The following SLIT2 variants were observed in gnomAD, a reference collection of about 807,000 sequenced individuals.
The protein encoded by SLIT2 is slit homolog 2 protein.
Under a neutral mutation model 185.7 loss-of-function variants are expected in SLIT2, and 41 were observed. That is an observed-to-expected ratio of 0.22 (90% CI 0.17 to 0.29). The LOEUF (loss-of-function observed/expected upper bound fraction) is 0.29, where lower values mean the gene tolerates loss of function less well. Ranked by LOEUF, SLIT2 falls within the 10% of genes least tolerant of loss-of-function variation. The pLI is 1.00. For synonymous variants in SLIT2, 693 were observed against 680.2 expected, an observed-to-expected ratio of 1.02 and a Z score of -0.29; for missense variants, 1,571 against 1,909.0, an observed-to-expected ratio of 0.82 and a Z score of 3.30.
chr4:20,479,449 C>T (rs1186138608), intron 5 of SLIT2, among the ~76,000 whole-genome samples: 4 of 152,218 alleles, frequency 2.6e-5, no homozygotes, highest in Admixed American at 1.3e-4. Flanking sequence ...ATTTGTATTA[C>T]GATCATAATC....
intron 4 of SLIT2, among the ~76,000 whole-genome samples, chr4:20,388,791 A>AT (rs59128298): frequency 0.03 from 4,032 of 133,598 alleles, 76 homozygotes; most frequent in Non-Finnish European, 0.043. Context: ...AAAAAAAAAA[A>AT]AATATATATA....
chr4:20,328,151 C>T (rs185909491), intron 4 of SLIT2, among the ~76,000 whole-genome samples: 8 of 152,102 alleles, frequency 5.3e-5, no homozygotes, highest in African/African-American at 1.7e-4. Context: ...CATTTCAGTT[C>T]TTTGAATGTT....
chr4:20,378,360 G>A (rs141995413), intron 4 of SLIT2, among the ~76,000 whole-genome samples: 1 of 152,232 alleles, frequency 6.6e-6, no homozygotes, highest in African/African-American at 2.4e-5. Flanking sequence ...TGTGATTACA[G>A]TTTACATATT....
Position 20,519,378 on chromosome 4 carries a change from T to C in SLIT2, c.1059-4T>C, listed in dbSNP as rs758041849. 5 of 1,497,844 alleles carry C rather than the reference T, an allele frequency of 3.3e-6. 1 individual carries two copies. In the South Asian group the frequency reaches 5.7e-5, roughly 17 times the overall value. The allele number at this position is 1,497,844 out of a possible 1,614,324, so 92.8% of individuals were successfully genotyped here. A position where few individuals can be genotyped will look rare whatever the true frequency, so the allele number is the denominator to read the frequency against. ...ATTTTTTTCATTTAAAATATTTTTT[T>C]CAGTGTCCTCTATGGAAATAAAATC... On this transcript the variant is annotated splice_polypyrimidine_tract_variant and splice_region_variant and intron_variant, in intron 11 of 36. Coordinates refer to ENST00000504154, the MANE Select transcript of SLIT2 (RefSeq NM_004787.4).
chr4:20,291,484 ATATATATATTTTTTTTTTTTTTTTTTTT>A (rs1201947234), intron 4 of SLIT2, among the ~76,000 whole-genome samples: 2 of 10,522 alleles, frequency 1.9e-4, no homozygotes, highest in Admixed American at 3.6e-3. Flanking sequence ...ATATATATAT[ATATATATATTTTTTTTTTTTTTTTTTTT>A]TTTTTTTTTT....
intron 8 of SLIT2, among the ~76,000 whole-genome samples, chr4:20,489,248 G>T (rs1345057718): frequency 6.6e-6 from 1 of 152,080 alleles, no homozygotes; most frequent in Non-Finnish European, 1.5e-5. Flanking sequence ...ATCGCTAAAT[G>T]ATGATTCTAC....
intron 30 of SLIT2, among the ~76,000 whole-genome samples, chr4:20,594,452 C>G (rs2148955902): frequency 1.3e-5 from 2 of 151,940 alleles, no homozygotes; most frequent in South Asian, 4.2e-4. Context: ...AAATCAAAAA[C>G]ACTCTTGGAA....
At chr4:20,443,298 A>C (rs1489134238) in intron 4 of SLIT2, among the ~76,000 whole-genome samples, 1 of 152,164 alleles carries the variant, frequency 6.6e-6, no homozygotes, top group Non-Finnish European at 1.5e-5. Flanking sequence ...GACTGGATTT[A>C]ATTTCTTTCC....
intron 4 of SLIT2, among the ~76,000 whole-genome samples, chr4:20,429,768 A>G (rs1380052444): frequency 6.6e-6 from 1 of 152,176 alleles, no homozygotes; most frequent in South Asian, 2.1e-4. Context: ...CCTGTGCCAT[A>G]AATTTATATT....
intron 3 of SLIT2, among the ~76,000 whole-genome samples, 193 bp from the exon 4 acceptor site, chr4:20,268,617 C>A (rs1196510306): frequency 6.6e-6 from 1 of 151,800 alleles, no homozygotes; most frequent in African/African-American, 2.4e-5. Context: ...TCTTAGTAAG[C>A]ACAATGGAAA....
Position 20,450,499 on chromosome 4 carries a change from C to T in SLIT2, c.396-17253C>T, listed in dbSNP as rs568936346. On this transcript the variant is annotated intron_variant, in intron 4 of 36. Coordinates refer to ENST00000504154, the MANE Select transcript of SLIT2 (RefSeq NM_004787.4). ...ATGATTACCATTGAAGTAGAAGGGA[C>T]CCTTACGTTCTGCCAGAGAACACAT... Among the ~76,000 whole-genome samples the T allele has an allele frequency of 2.0e-5, 3 of 152,276 alleles. No individual in the cohort carries two copies. In the South Asian group the frequency reaches 6.2e-4, roughly 32 times the overall value.
intron 4 of SLIT2, among the ~76,000 whole-genome samples, chr4:20,278,323 G>A (rs947319616): frequency 3.3e-5 from 5 of 151,946 alleles, no homozygotes; most frequent in African/African-American, 1.2e-4. Context: ...AAAATGGAAT[G>A]TTGTTAAAAT....
intron 4 of SLIT2, among the ~76,000 whole-genome samples, chr4:20,325,532 A>G (rs1300964309): frequency 1.3e-5 from 2 of 152,056 alleles, no homozygotes; most frequent in African/African-American, 4.8e-5. Context: ...GCCTTAGAAA[A>G]TACCTACACC....
chr4:20,257,895 C>T lies in SLIT2; in HGVS notation c.279C>T (p.Thr93=). 1 of 1,574,070 alleles carries T rather than the reference C, an allele frequency of 6.4e-7. No individual in the cohort carries two copies. The highest frequency in any genetic ancestry group is 8.7e-7 in the Non-Finnish European group (1 of 1,146,138). ...VLQLMENKIS[T]IERGAFQDLK... is the part of the protein sequence containing the mutation. Reference sequence around the variant, plus strand: ...AGCTTATGGAGAATAAGATTAGCACCATTGAAAGAGGAGCATTCCAGGATC... The same window carrying T: ...AGCTTATGGAGAATAAGATTAGCACTATTGAAAGAGGAGCATTCCAGGATC... Residue 93 remains threonine, a synonymous_variant, in exon 3 of 37, where the codon ACC becomes ACT. Coordinates refer to ENST00000504154, the MANE Select transcript of SLIT2 (RefSeq NM_004787.4).
chr4:20,389,780 T>G (rs1725271418), intron 4 of SLIT2, among the ~76,000 whole-genome samples: 1 of 152,106 alleles, frequency 6.6e-6, no homozygotes, highest in African/African-American at 2.4e-5. Flanking sequence ...TTGTGGTAGC[T>G]GTAGAAACAC....
intron 3 of SLIT2, among the ~76,000 whole-genome samples, chr4:20,259,866 T>G (rs939168942): frequency 3.3e-5 from 5 of 151,924 alleles, no homozygotes; most frequent in South Asian, 4.1e-4. Flanking sequence ...AAATATTTCA[T>G]ATTTGTGAGG....
intron 4 of SLIT2, among the ~76,000 whole-genome samples, chr4:20,319,205 G>C (rs189837253): frequency 3.3e-5 from 5 of 152,274 alleles, no homozygotes; most frequent in African/African-American, 9.6e-5. Flanking sequence ...TCCTTGCCCA[G>C]TGGACTATCT....
At chr4:20,444,017 A>AAACATGCTTTGAG (rs1729966739) in intron 4 of SLIT2, among the ~76,000 whole-genome samples, 1 of 152,206 alleles carries the variant, frequency 6.6e-6, no homozygotes, top group Non-Finnish European at 1.5e-5. Flanking sequence ...TGGAAGGGGT[A>AAACATGCTTTGAG]TGTATTAATA....
intron 4 of SLIT2, among the ~76,000 whole-genome samples, chr4:20,276,254 T>G (rs573724719): frequency 6.6e-6 from 1 of 152,274 alleles, no homozygotes; most frequent in East Asian, 1.9e-4. Flanking sequence ...ATTCCAGTAC[T>G]TCTCAAAGTA....
Sources: gnomAD v4.1 joint callset for allele counts (sites outside exome capture counted in the v4.1 genomes callset) on GRCh38, gnomAD v4.1.1 for gene constraint, MANE v1.5 for transcripts, NCBI Gene and HGNC (gene_info 2026-07-23, HGNC 2026-07-21) for gene names.